FHL5: variants seen among roughly 807,000 people sequenced by gnomAD.
FHL5 encodes the protein four and a half LIM domains protein 5.
Under a neutral mutation model 32.0 loss-of-function variants are expected in FHL5, and 33 were observed. The ratio of observed to expected loss-of-function variants is 1.03; its 90% CI spans 0.78 to 1.38. FHL5 has a LOEUF of 1.38. Among genes scored for constraint, FHL5 ranks in the 40% most tolerant of loss-of-function variants. The probability of loss-of-function intolerance (pLI) is 0.00; values close to 1 mark genes in which losing one functional copy is unlikely to be tolerated. For synonymous variants in FHL5, 114 were observed against 113.6 expected, an observed-to-expected ratio of 1.00 and a Z score of -0.02; for missense variants, 336 against 343.9, an observed-to-expected ratio of 0.98 and a Z score of 0.18.
At chr6:96,595,109 T>C (rs1384239106) in intron 1 of FHL5, among the ~76,000 whole-genome samples, 1 of 151,894 alleles carries the variant, frequency 6.6e-6, no homozygotes, top group African/African-American at 2.4e-5. Context: ...AGAGTTTCCT[T>C]TTTTTCTTTC....
chr6:96,575,676 G>A (rs1770569365), intron 1 of FHL5, among the ~76,000 whole-genome samples: 1 of 152,198 alleles, frequency 6.6e-6, no homozygotes, highest in African/African-American at 2.4e-5. Flanking sequence ...TTTCAAAAGA[G>A]AGAAACTCCT....
At chr6:96,596,120 C>T (rs1364601984) in intron 1 of FHL5, among the ~76,000 whole-genome samples, 3 of 151,910 alleles carry the variant, frequency 2.0e-5, no homozygotes, top group Non-Finnish European at 4.4e-5. Flanking sequence ...GAGTTTTAGA[C>T]CTTACAGTTA....
intron 1 of FHL5, among the ~76,000 whole-genome samples, chr6:96,602,243 A>C (rs76182144): frequency 5.2e-4 from 79 of 152,140 alleles, no homozygotes; most frequent in African/African-American, 1.9e-3. Context: ...ATTTTGCTAA[A>C]ATTAAAAGAA....
chr6:96,573,821 C>A (rs1274117620), intron 1 of FHL5, among the ~76,000 whole-genome samples: 1 of 151,820 alleles, frequency 6.6e-6, no homozygotes, highest in Non-Finnish European at 1.5e-5. Context: ...GCGTCTGGCC[C>A]AAAATATTCT....
intron 4 of FHL5, among the ~76,000 whole-genome samples, chr6:96,607,212 A>T (rs1450724732): frequency 6.6e-6 from 1 of 150,622 alleles, no homozygotes; most frequent in Non-Finnish European, 1.5e-5. Context: ...GCGAGGCATC[A>T]TAAGTTTAAA....
intron 1 of FHL5, among the ~76,000 whole-genome samples, chr6:96,568,691 T>A (rs2127958174): frequency 6.6e-6 from 1 of 152,042 alleles, no homozygotes; most frequent in South Asian, 2.1e-4. Flanking sequence ...TCACTTCTGA[T>A]AGATTGTTTG....
chr6:96,572,938 T>C (rs1167786608), intron 1 of FHL5, among the ~76,000 whole-genome samples: 1 of 152,218 alleles, frequency 6.6e-6, no homozygotes, highest in Non-Finnish European at 1.5e-5. Flanking sequence ...TGCTTTTCCA[T>C]TGTTCTGGCT....
intron 1 of FHL5, among the ~76,000 whole-genome samples, chr6:96,599,259 G>T (rs547310912): frequency 6.9e-6 from 1 of 144,216 alleles, no homozygotes; most frequent in Non-Finnish European, 1.5e-5. Flanking sequence ...GCAATGGTGC[G>T]ATCTAGGCTC....
In FHL5 at chr6:96,606,186, T is replaced by C. The variant is rs1771274853; in HGVS notation, c.504+115T>C. 9 of 815,168 alleles carry C rather than the reference T, an allele frequency of 1.1e-5. No individual in the cohort carries two copies. In the Admixed American group the frequency reaches 2.0e-4, roughly 18 times the overall value. The allele number at this position is 815,168 out of a possible 1,614,324, so 50.5% of individuals were successfully genotyped here. A position where few individuals can be genotyped will look rare whatever the true frequency, so the allele number is the denominator to read the frequency against. On this transcript the variant is annotated intron_variant, in intron 4 of 5. Transcript: ENST00000450218. ...GTTATATCTGTAATCAACACACCCA[T>C]GGTAGTTTGGACTTTCAACATGTCC...
In FHL5 at chr6:96,615,681, G is replaced by C; in HGVS notation, c.764G>C (p.Cys255Ser). Residue 255 changes from cysteine to serine, a missense_variant, in exon 6 of 6, where the codon TGC becomes TCC. Physicochemically the swap from Cys to Ser is moderately radical, Grantham distance 112. Transcript: ENST00000450218. ...WHSECFNCGK[C>S]SVSLVGKGFL... ...AGCGAATGCTTTAACTGCGGGAAAT[G>C]CTCTGTCTCCTTGGTGGGTAAAGGC... 6.2e-7 allele frequency: 1 copy of C among 1,613,218 alleles called. No individual in the cohort carries two copies. The highest frequency in any genetic ancestry group is 8.5e-7 in the Non-Finnish European group (1 of 1,179,624).
At chr6:96,595,064 C>T (rs1771008387) in intron 1 of FHL5, among the ~76,000 whole-genome samples, 1 of 151,690 alleles carries the variant, frequency 6.6e-6, no homozygotes, top group Non-Finnish European at 1.5e-5. Flanking sequence ...CTTATTCTTT[C>T]TTTTTGTCTT....
chr6:96,573,470 G>A (rs1770522168), intron 1 of FHL5, among the ~76,000 whole-genome samples: 1 of 150,194 alleles, frequency 6.7e-6, no homozygotes. Flanking sequence ...ATTACATTCA[G>A]TCTATTCATT....
intron 5 of FHL5, among the ~76,000 whole-genome samples, chr6:96,612,477 G>A (rs1020227041): frequency 2.0e-5 from 3 of 152,132 alleles, no homozygotes; most frequent in African/African-American, 7.2e-5. Flanking sequence ...GCCTACACAA[G>A]CCCTGAACTT....
At chr6:96,608,641 G>C (rs184535487) in intron 4 of FHL5, among the ~76,000 whole-genome samples, 1 of 152,232 alleles carries the variant, frequency 6.6e-6, no homozygotes, top group Admixed American at 6.5e-5. Flanking sequence ...ACTCCTCAAG[G>C]TTCAAAAGGA....
rs753564404 is a variant in FHL5 at position 96,615,624 on chromosome 6, A to T, written c.707A>T (p.Lys236Met). The change falls in exon 6 of 6, where the codon AAG becomes ATG. Residue 236 changes from lysine to methionine, a missense_variant. By Grantham distance (95) the Lys-to-Met change is moderately conservative (BLOSUM62 -1). Coordinates refer to ENST00000450218, the MANE Select transcript of FHL5 (RefSeq NM_001322466.2). ...SKPISGLTGA[K>M]FICFQDSQWH... ...TCCTTTACAGGTCTCACAGGTGCCAAGTTTATCTGCTTTCAAGACAGCCAG... is the reference window on the plus strand; with the variant it reads ...TCCTTTACAGGTCTCACAGGTGCCATGTTTATCTGCTTTCAAGACAGCCAG... 1 of 1,608,150 alleles carries T rather than the reference A, an allele frequency of 6.2e-7. No individual in the cohort carries two copies.
chr6:96,565,503 C>A (rs537045050), intron 1 of FHL5, among the ~76,000 whole-genome samples: 2 of 152,200 alleles, frequency 1.3e-5, no homozygotes, highest in African/African-American at 4.8e-5. Flanking sequence ...ACTTCCAGCA[C>A]CAATGGACCT....
chr6:96,598,965 A>C (rs1028941939), intron 1 of FHL5, among the ~76,000 whole-genome samples: 1 of 152,174 alleles, frequency 6.6e-6, no homozygotes, highest in Non-Finnish European at 1.5e-5. Flanking sequence ...GATGGCACCT[A>C]GTCCTTGCCT....
chr6:96,588,066 AT>A (rs1770835202), intron 1 of FHL5, among the ~76,000 whole-genome samples: 1 of 152,226 alleles, frequency 6.6e-6, no homozygotes, highest in Non-Finnish European at 1.5e-5. Context: ...TTTCTCTCAA[AT>A]TTACACACTT....
chr6:96,565,921 A>G (rs957339451), intron 1 of FHL5, among the ~76,000 whole-genome samples: 1 of 152,068 alleles, frequency 6.6e-6, no homozygotes, highest in African/African-American at 2.4e-5. Flanking sequence ...ACAATGTGAT[A>G]TTTGTATACA....
Sources: gnomAD v4.1 joint callset for allele counts (sites outside exome capture counted in the v4.1 genomes callset) on GRCh38, gnomAD v4.1.1 for gene constraint, MANE v1.5 for transcripts, NCBI Gene and HGNC (gene_info 2026-07-23, HGNC 2026-07-21) for gene names.